The following C1QTNF3 variants were observed in gnomAD, a reference collection of about 807,000 sequenced individuals.
C1QTNF3 encodes the protein complement C1q tumor necrosis factor-related protein 3.
Under a neutral mutation model 32.6 loss-of-function variants are expected in C1QTNF3, and 26 were observed. The observed-to-expected ratio is 0.80, with a 90% confidence interval of 0.58 to 1.11. The LOEUF is 1.11. C1QTNF3 is among the 50% of genes least tolerant of loss of function. C1QTNF3 has a pLI of 0.00. For synonymous variants in C1QTNF3, 155 were observed against 146.0 expected, an observed-to-expected ratio of 1.06 and a Z score of -0.44; for missense variants, 362 against 398.2, an observed-to-expected ratio of 0.91 and a Z score of 0.77.
At chr5:34,140,127 T>TG in the C1QTNF3 span, among the ~76,000 whole-genome samples, 2 of 152,134 alleles carry the variant, frequency 1.3e-5, no homozygotes, top group East Asian at 3.8e-4. Context: ...AGCGGAGAGT[T>TG]GAAGATTTGA....
At chr5:34,227,522 T>C in the C1QTNF3 span, among the ~76,000 whole-genome samples, 4 of 151,682 alleles carry the variant, frequency 2.6e-5, no homozygotes, top group East Asian at 7.8e-4. Flanking sequence ...TGTAGATGGG[T>C]CACCTGTTAT....
At chr5:34,235,725 A>T in the C1QTNF3 span, among the ~76,000 whole-genome samples, 1 of 152,020 alleles carries the variant, frequency 6.6e-6, no homozygotes, top group Middle Eastern at 3.4e-3. Context: ...GGGTATTACA[A>T]GTCTTCATTT....
chr5:34,217,893 G>C, the C1QTNF3 span, among the ~76,000 whole-genome samples: 3 of 152,068 alleles, frequency 2.0e-5, no homozygotes, highest in Non-Finnish European at 4.4e-5. Context: ...TAGGCAAAAA[G>C]TGATAAACTC....
At chr5:34,140,382 G>A in the C1QTNF3 span, among the ~76,000 whole-genome samples, 1 of 152,250 alleles carries the variant, frequency 6.6e-6, no homozygotes, top group South Asian at 2.1e-4. Context: ...TCTTAGAGAG[G>A]AAAGGAGATT....
the C1QTNF3 span, among the ~76,000 whole-genome samples, chr5:34,063,047 T>C: frequency 6.6e-6 from 1 of 152,178 alleles, no homozygotes; most frequent in East Asian, 1.9e-4. Flanking sequence ...GGGTTGTCGG[T>C]GGTCTCGGTG....
At chr5:34,200,646 C>T in the C1QTNF3 span, 1 of 152,084 alleles carries the variant, frequency 6.6e-6, no homozygotes, top group Admixed American at 6.6e-5. Flanking sequence ...AGAACAGTAT[C>T]AGTGCATTTA....
At chr5:34,056,675 G>A in the C1QTNF3 span, among the ~76,000 whole-genome samples, 1 of 151,390 alleles carries the variant, frequency 6.6e-6, no homozygotes, top group Non-Finnish European at 1.5e-5. Flanking sequence ...ATCATGCCTG[G>A]CTAATTTTTT....
the C1QTNF3 span, among the ~76,000 whole-genome samples, chr5:34,095,338 T>C: frequency 6.7e-6 from 1 of 150,298 alleles, no homozygotes; most frequent in African/African-American, 2.4e-5. Flanking sequence ...GAAAGGTAAT[T>C]TAAAGGTTAT....
At chr5:34,062,065 C>A in the C1QTNF3 span, among the ~76,000 whole-genome samples, 1 of 152,188 alleles carries the variant, frequency 6.6e-6, no homozygotes, top group Non-Finnish European at 1.5e-5. Context: ...TTTCTTCTAC[C>A]AGATACCCTA....
At chr5:34,056,471 TATATATATAGAGAG>T in the C1QTNF3 span, among the ~76,000 whole-genome samples, 13 of 110,104 alleles carry the variant, frequency 1.2e-4, no homozygotes, top group Non-Finnish European at 1.8e-4. Flanking sequence ...TATATATATA[TATATATATAGAGAG>T]AGAGAGAGAG....
chr5:34,161,087 G>T, the C1QTNF3 span, among the ~76,000 whole-genome samples: 6 of 152,166 alleles, frequency 3.9e-5, no homozygotes, highest in Admixed American at 6.5e-5. Flanking sequence ...TCACTTGGCA[G>T]CTGGAGATCG....
the C1QTNF3 span, among the ~76,000 whole-genome samples, chr5:34,057,164 A>T: frequency 6.6e-6 from 1 of 152,232 alleles, no homozygotes. Flanking sequence ...GACATGCGAC[A>T]AACAGCGATC....
chr5:34,036,619 T>C (rs1754746406), intron 1 of C1QTNF3, among the ~76,000 whole-genome samples: 1 of 152,204 alleles, frequency 6.6e-6, no homozygotes, highest in South Asian at 2.1e-4. Flanking sequence ...AAATCAACTA[T>C]TTAACATGAT....
chr5:34,026,726 G>T (rs1251676970), intron 4 of C1QTNF3, among the ~76,000 whole-genome samples: 1 of 151,996 alleles, frequency 6.6e-6, no homozygotes, highest in African/African-American at 2.4e-5. Context: ...TAGAGCATAC[G>T]GCTGGTCTAG....
chr5:34,033,227 T>G, intron 3 of C1QTNF3, 77 bp downstream of exon 3: 3 of 1,513,502 alleles, frequency 2.0e-6, no homozygotes, highest in Non-Finnish European at 2.7e-6. Flanking sequence ...GAGGAAGCGC[T>G]CGAACATCCT....
chr5:34,243,209 C>T, the C1QTNF3 span, among the ~76,000 whole-genome samples: 1 of 152,214 alleles, frequency 6.6e-6, no homozygotes, highest in Non-Finnish European at 1.5e-5. Context: ...TGAAAAAACA[C>T]TCATCCTCAC....
the C1QTNF3 span, among the ~76,000 whole-genome samples, chr5:34,065,958 A>T: frequency 6.6e-6 from 1 of 152,212 alleles, no homozygotes; most frequent in Non-Finnish European, 1.5e-5. Flanking sequence ...GACTGAATAA[A>T]GAAAATGTGA....
the C1QTNF3 span, among the ~76,000 whole-genome samples, chr5:34,063,933 T>C: frequency 1.3e-5 from 2 of 152,148 alleles, no homozygotes; most frequent in African/African-American, 4.8e-5. Context: ...AGCGCATGCA[T>C]GGGCGACTGT....
At chr5:34,081,661 A>AG in the C1QTNF3 span, among the ~76,000 whole-genome samples, 3 of 151,352 alleles carry the variant, frequency 2.0e-5, no homozygotes, top group African/African-American at 7.3e-5. Flanking sequence ...TAAAGTAGAA[A>AG]GAAAAAAAAA....
Sources: allele counts gnomAD v4.1 joint callset (sites outside exome capture counted in the v4.1 genomes callset), GRCh38; gene constraint gnomAD v4.1.1; transcripts MANE v1.5; gene names NCBI Gene and HGNC (gene_info 2026-07-23, HGNC 2026-07-21).